Variants in ARFIP1 observed in about 807,000 individuals in gnomAD.
ARFIP1 encodes arfaptin-1.
A neutral mutation model predicts 42.5 loss-of-function variants in ARFIP1; 24 were observed. The observed-to-expected ratio is 0.57, with a 90% CI of 0.41 to 0.80. ARFIP1 has a LOEUF of 0.80. ARFIP1 is among the 30% of genes least tolerant of loss of function. ARFIP1 has a pLI of 0.00. For synonymous variants in ARFIP1, 141 were observed against 153.7 expected (o/e 0.92, Z 0.61); for missense variants, 354 against 434.0 (o/e 0.82, Z 1.64).
At chr4:152,892,102 T>C (rs1472222527) in intron 8 of ARFIP1, among the ~76,000 whole-genome samples, 1 of 152,124 alleles carries the variant, frequency 6.6e-6, no homozygotes, top group Non-Finnish European at 1.5e-5. Flanking sequence ...ATACTGGCTC[T>C]CACTATGTGG....
chr4:152,815,830 C>T (rs553832250), intron 1 of ARFIP1, among the ~76,000 whole-genome samples: 4 of 149,944 alleles, frequency 2.7e-5, no homozygotes, highest in African/African-American at 9.8e-5. Flanking sequence ...CTGCAAGCTC[C>T]GCCTCCCGGG....
chr4:152,818,861 T>C (rs1730125495), intron 1 of ARFIP1, among the ~76,000 whole-genome samples: 2 of 152,114 alleles, frequency 1.3e-5, no homozygotes, highest in African/African-American at 4.8e-5. Context: ...CAACCCCTCC[T>C]TCCCACGCAG....
At chr4:152,908,899 T>A (rs1244605182) in intron 8 of ARFIP1, among the ~76,000 whole-genome samples, 2 of 132,818 alleles carry the variant, frequency 1.5e-5, no homozygotes, top group East Asian at 4.6e-4. Flanking sequence ...GAAGTGTGTG[T>A]GTGTGTGTGT....
chr4:152,780,365 GC>G (rs1350770911), intron 1 of ARFIP1, 139 bp downstream of exon 1: 2 of 152,594 alleles, frequency 1.3e-5, no homozygotes, highest in African/African-American at 2.4e-5. Context: ...TGCCGTATCT[GC>G]CCAAGTGTTA....
chr4:152,889,681 AAT>A (rs1437757459), intron 8 of ARFIP1, among the ~76,000 whole-genome samples: 9 of 129,764 alleles, frequency 6.9e-5, no homozygotes, highest in East Asian at 2.1e-4. Context: ...TATACTATAT[AAT>A]ATATATATGC....
At chr4:152,888,331 CT>C (rs774079884) in intron 8 of ARFIP1, 24 bp downstream of exon 8, 10 of 1,516,818 alleles carry the variant, frequency 6.6e-6, no homozygotes, top group Non-Finnish European at 8.0e-6. Context: ...CTTCTAAGGT[CT>C]TTCTGTGGAC....
chr4:152,908,023 T>C (rs1738513708), intron 8 of ARFIP1, among the ~76,000 whole-genome samples: 1 of 152,238 alleles, frequency 6.6e-6, no homozygotes, highest in Admixed American at 6.5e-5. Flanking sequence ...TGTTATAATA[T>C]TTAGTTTTCT....
chr4:152,887,299 C>T (rs992846056), intron 7 of ARFIP1, among the ~76,000 whole-genome samples: 2 of 151,852 alleles, frequency 1.3e-5, no homozygotes, highest in African/African-American at 4.8e-5. Context: ...GGGAGAATAT[C>T]AGAGTGAGGC....
At chr4:152,786,671 TCCC>T (rs1160134498) in intron 1 of ARFIP1, among the ~76,000 whole-genome samples, 1 of 152,170 alleles carries the variant, frequency 6.6e-6, no homozygotes, top group Non-Finnish European at 1.5e-5. Flanking sequence ...TCCTTCTTCC[TCCC>T]CCAGTGCTTT....
intron 1 of ARFIP1, chr4:152,809,635 G>A (rs189203711): frequency 7.2e-5 from 11 of 152,278 alleles, no homozygotes; most frequent in Non-Finnish European, 1.5e-5. Context: ...TTAGATATGT[G>A]TCATGTTAAT....
At chr4:152,842,650 G>A (rs374880029) in intron 2 of ARFIP1, among the ~76,000 whole-genome samples, 16 of 152,024 alleles carry the variant, frequency 1.1e-4, no homozygotes, top group African/African-American at 3.9e-4. Flanking sequence ...GGGTTAATTC[G>A]AAGACCTTGC....
chr4:152,807,919 A>T (rs1265437690), intron 1 of ARFIP1, among the ~76,000 whole-genome samples: 1 of 152,102 alleles, frequency 6.6e-6, no homozygotes, highest in Non-Finnish European at 1.5e-5. Flanking sequence ...TTTGAATTGG[A>T]TCATGTAATA....
intron 3 of ARFIP1, among the ~76,000 whole-genome samples, chr4:152,863,934 A>G (rs1734103472): frequency 1.3e-5 from 2 of 152,252 alleles, no homozygotes; most frequent in Non-Finnish European, 2.9e-5. Context: ...ACTGGTTATT[A>G]TTTAAGAATA....
At chr4:152,807,327 T>C (rs1421650367) in intron 1 of ARFIP1, 1 of 152,220 alleles carries the variant, frequency 6.6e-6, no homozygotes. Flanking sequence ...AGTATATATT[T>C]ACCTTTACAA....
rs553689164 is a variant in ARFIP1, at chr4:152,911,923, G to A, written c.*1704G>A. ...GTTTGCTGCAGTAAATCGTTTCTCT[G>A]GACCTTCATAGTTTAAGAAGTAACT... On this transcript the variant is annotated 3_prime_UTR_variant, in exon 9 of 9. Transcript: ENST00000353617. The A allele has an allele frequency of 1.3e-5, 2 of 152,360 alleles. No individual in the cohort carries two copies. Among genetic ancestry groups the A allele is most frequent in the Admixed American group, 1.3e-4 (2 of 15,254 alleles). 9.4% of individuals were successfully genotyped at this position (152,360 alleles called of 1,614,324 possible).
chr4:152,781,803 G>A lies in ARFIP1; in HGVS notation c.-10+1577G>A, dbSNP rs1416357725. 2.6e-5 allele frequency among the ~76,000 whole-genome samples: 4 copies of A among 152,146 alleles called. No individual in the cohort carries two copies. In the East Asian group the frequency reaches 7.7e-4, roughly 29 times the overall value. ...CAAATTGATAAACTGGTTTTCCTTG[G>A]ATTATGATTTGCCTTAATCCTGGAT... is the stretch of plus-strand genomic sequence containing the variant. On this transcript the variant is annotated intron_variant, in intron 1 of 8. Transcript: ENST00000353617.
intron 1 of ARFIP1, chr4:152,810,066 C>T (rs1229100410): frequency 2.0e-5 from 3 of 152,202 alleles, no homozygotes; most frequent in Non-Finnish European, 4.4e-5. Context: ...ATCTCACCTT[C>T]TGTTGGTATG....
rs1735952848 is a variant in ARFIP1, at chr4:152,882,825, G to A, written c.736G>A (p.Val246Met). Reference sequence around the variant, plus strand: ...TTTCATTGCTAGTGTGAACACTTTGGTGAATAAAACCATTGAAGATACATT... The same window carrying A: ...TTTCATTGCTAGTGTGAACACTTTGATGAATAAAACCATTGAAGATACATT... ...NFFIASVNTLVNKTIEDTLMT... is the reference protein window; with the variant it reads ...NFFIASVNTLMNKTIEDTLMT... Residue 246 changes from valine (V) to methionine (M), a missense_variant, in exon 7 of 9, where the codon GTG becomes ATG. Physicochemically the swap from Val to Met is conservative, Grantham distance 21. Transcript: ENST00000353617. The A allele has an allele frequency of 6.2e-6, 10 of 1,611,428 alleles. No individual in the cohort carries two copies. The highest frequency in any genetic ancestry group is 8.5e-6 in the Non-Finnish European group (10 of 1,178,960).
intron 1 of ARFIP1, among the ~76,000 whole-genome samples, chr4:152,807,861 A>G (rs1411253730): frequency 6.6e-6 from 1 of 152,068 alleles, no homozygotes; most frequent in Non-Finnish European, 1.5e-5. Context: ...ATTCCACCCC[A>G]AGATAACCAC....
Sources: gnomAD v4.1 joint callset for allele counts (sites outside exome capture counted in the v4.1 genomes callset) on GRCh38, gnomAD v4.1.1 for gene constraint, MANE v1.5 for transcripts, NCBI Gene and HGNC (gene_info 2026-07-23, HGNC 2026-07-21) for gene names.